The following INSL6 variants were observed in gnomAD, a reference collection of about 807,000 sequenced individuals.
INSL6 encodes the protein insulin-like peptide INSL6.
Under a neutral mutation model 9.4 loss-of-function variants are expected in INSL6, and 16 were observed. The observed-to-expected ratio is 1.70, with a 90% CI of 1.15 to 2.59. INSL6 has a LOEUF of 2.59. Ranked by LOEUF, INSL6 falls within the 30% of genes most tolerant of loss-of-function variation. The pLI is 0.00. For synonymous variants in INSL6, 154 were observed against 96.9 expected (o/e 1.59, Z -3.46); for missense variants, 391 against 257.3 (o/e 1.52, Z -3.56).
At chr9:5,144,132 G>A (rs777051775) in intron 2 of INSL6, among the ~76,000 whole-genome samples, 1 of 152,098 alleles carries the variant, frequency 6.6e-6, no homozygotes, top group Non-Finnish European at 1.5e-5. Flanking sequence ...TTTTGATGTG[G>A]GCATTTAGTG....
the INSL6 span, among the ~76,000 whole-genome samples, chr9:5,115,994 C>T: frequency 1.3e-5 from 2 of 151,958 alleles, no homozygotes; most frequent in African/African-American, 2.4e-5. Context: ...CACCATGACA[C>T]GTGTATACCT....
chr9:5,111,932 T>A, the INSL6 span: 13 of 348,806 alleles, frequency 3.7e-5, no homozygotes, highest in Admixed American at 2.9e-4. Flanking sequence ...ACTCTCCGGA[T>A]CACTCAAGCA....
chr9:5,085,615 C>T, the INSL6 span: 151 of 702,736 alleles, frequency 2.1e-4, 1 homozygote, highest in Middle Eastern at 1.4e-3. Flanking sequence ...AATTAAATCT[C>T]CAGCAAGGAC....
At chr9:5,116,831 A>ACT in the INSL6 span, among the ~76,000 whole-genome samples, 1 of 152,234 alleles carries the variant, frequency 6.6e-6, no homozygotes, top group Non-Finnish European at 1.5e-5. Context: ...ATAATTAGGA[A>ACT]AAGTCATATG....
At chr9:5,036,011 C>G in the INSL6 span, among the ~76,000 whole-genome samples, 34 of 152,314 alleles carry the variant, frequency 2.2e-4, no homozygotes, top group African/African-American at 6.0e-4. Context: ...TCTCCTTAAG[C>G]TGATAAGCAA....
chr9:5,176,427 G>C (rs181080619), intron 1 of INSL6, among the ~76,000 whole-genome samples: 55 of 152,074 alleles, frequency 3.6e-4, no homozygotes, highest in African/African-American at 1.2e-3. Context: ...TTTGATCTTT[G>C]TCTGTTTTGT....
chr9:5,121,571 C>A (rs1489769566), downstream of INSL6, among the ~76,000 whole-genome samples: 1 of 152,158 alleles, frequency 6.6e-6, no homozygotes, highest in East Asian at 1.9e-4. Flanking sequence ...TCCTTGATGA[C>A]TGAATTCCCA....
At chr9:5,029,068 C>A in the INSL6 span, among the ~76,000 whole-genome samples, 1 of 152,176 alleles carries the variant, frequency 6.6e-6, no homozygotes, top group African/African-American at 2.4e-5. Flanking sequence ...TTAATAATAC[C>A]TTCCTCACTT....
At chr9:5,083,590 T>C in the INSL6 span, among the ~76,000 whole-genome samples, 1 of 152,166 alleles carries the variant, frequency 6.6e-6, no homozygotes, top group African/African-American at 2.4e-5. Flanking sequence ...TTGCCCTTTT[T>C]TTCCTTGACT....
intron 1 of INSL6, among the ~76,000 whole-genome samples, chr9:5,168,927 A>ATT (rs34418346): frequency 7.0e-6 from 1 of 143,560 alleles, no homozygotes; most frequent in Non-Finnish European, 1.5e-5. Context: ...TATTTATTTG[A>ATT]TTTTTTTTTT....
chr9:5,165,857 G>T (rs1242121906), intron 1 of INSL6, among the ~76,000 whole-genome samples: 1 of 152,132 alleles, frequency 6.6e-6, no homozygotes, highest in East Asian at 1.9e-4. Context: ...CTTCTAGGAG[G>T]ATATATTTGC....
intron 3 of INSL6, chr9:5,127,648 T>G (rs1465663031): frequency 4.3e-6 from 1 of 232,058 alleles, no homozygotes; most frequent in Non-Finnish European, 8.6e-6. Flanking sequence ...CCAGGAATAT[T>G]GTCATCCTTT....
At chr9:5,055,789 G>A in the INSL6 span, 1 of 1,608,756 alleles carries the variant, frequency 6.2e-7, no homozygotes, top group Non-Finnish European at 8.5e-7. Context: ...TAAAAATCTG[G>A]TAAGTTTGCT....
downstream of INSL6, among the ~76,000 whole-genome samples, chr9:5,119,789 T>C (rs114873051): frequency 4.3e-3 from 656 of 152,318 alleles, 4 homozygotes; most frequent in African/African-American, 0.015. Flanking sequence ...AATTTTCATA[T>C]GTACTTAATG....
At chr9:5,167,915 C>G (rs1032459731) in intron 1 of INSL6, among the ~76,000 whole-genome samples, 1 of 152,168 alleles carries the variant, frequency 6.6e-6, no homozygotes, top group Non-Finnish European at 1.5e-5. Context: ...GTGATACCTC[C>G]TGGGGTGGAA....
At chr9:5,054,906 T>C in the INSL6 span, 1 of 1,487,242 alleles carries the variant, frequency 6.7e-7, no homozygotes, top group Non-Finnish European at 9.1e-7. This position sits in a 1 kb window ranked among gnomAD's most constrained non-coding sequence, Gnocchi z 4.9. Context: ...TGATATGTTC[T>C]TGTTCTTTGT....
downstream of INSL6, among the ~76,000 whole-genome samples, chr9:5,159,878 T>G (rs1036167681): frequency 6.6e-6 from 1 of 152,178 alleles, no homozygotes; most frequent in African/African-American, 2.4e-5. Context: ...TCCTCGAGAA[T>G]AGACCACATG....
At chr9:5,099,121 G>C in the INSL6 span, 2 of 152,132 alleles carry the variant, frequency 1.3e-5, no homozygotes, top group East Asian at 1.9e-4. Flanking sequence ...CTCATCTGAA[G>C]ACATCCTGCA....
At chr9:5,070,070 C>G in the INSL6 span, 1 of 1,566,660 alleles carries the variant, frequency 6.4e-7, no homozygotes, top group Non-Finnish European at 8.7e-7. Context: ...ATTAGATACT[C>G]ATTACTGTCT....
Sources: gnomAD v4.1 joint callset for allele counts (sites outside exome capture counted in the v4.1 genomes callset) on GRCh38, gnomAD v4.1.1 for gene constraint, Gnocchi (gnomAD v3.1) non-coding constraint, MANE v1.5 for transcripts, NCBI Gene and HGNC (gene_info 2026-07-23, HGNC 2026-07-21) for gene names.